ZNF407: variants seen among roughly 807,000 people sequenced by gnomAD.
The protein encoded by ZNF407 is zinc finger protein 407.
ZNF407 carries 17 observed loss-of-function variants against 131.2 expected under a neutral mutation model. That is an observed-to-expected ratio of 0.13 (90% CI 0.09 to 0.19). The LOEUF (loss-of-function observed/expected upper bound fraction) is 0.19, where lower values mean the gene tolerates loss of function less well. ZNF407 is among the 10% of genes least tolerant of loss of function. ZNF407 has a pLI of 1.00. For synonymous variants in ZNF407, 1,156 were observed against 1,062.0 expected (o/e 1.09, Z -1.72); for missense variants, 2,681 against 2,830.6 (o/e 0.95, Z 1.20).
At chr18:74,624,481 C>T (rs1351015061) in intron 1 of ZNF407, among the ~76,000 whole-genome samples, 1 of 152,174 alleles carries the variant, frequency 6.6e-6, no homozygotes, top group Non-Finnish European at 1.5e-5. Flanking sequence ...TGATGTCATT[C>T]TAGTTCTGGA....
At chr18:74,847,930 C>CT (rs1004481438) in intron 4 of ZNF407, among the ~76,000 whole-genome samples, 1 of 151,318 alleles carries the variant, frequency 6.6e-6, no homozygotes, top group African/African-American at 2.4e-5. Context: ...CAAGATACAC[C>CT]TTTTTTTCCT....
chr18:75,046,122 A>G (rs575809484), intron 8 of ZNF407, among the ~76,000 whole-genome samples: 1 of 152,324 alleles, frequency 6.6e-6, no homozygotes, highest in South Asian at 2.1e-4. Context: ...TAATGCTACA[A>G]TTAGCCCATT....
At chr18:74,953,915 G>A (rs1231796155) in intron 8 of ZNF407, among the ~76,000 whole-genome samples, 2 of 152,300 alleles carry the variant, frequency 1.3e-5, no homozygotes, top group African/African-American at 2.4e-5. Flanking sequence ...AGACCCTAAT[G>A]GGAGGCGAGA....
At position 74,713,358 on chromosome 18, in the gene ZNF407, C is replaced by CT. The variant is rs5826345; in HGVS notation, c.4803-68046dup. On this transcript the variant is annotated intron_variant, in intron 3 of 8. Coordinates refer to ENST00000299687, the MANE Select transcript of ZNF407 (RefSeq NM_017757.3). ...AGATTTACCTGGAACATTTTAGCAT[C>CT]TTTTTTTTTTTTTTTTTTTTTTTTA... is the stretch of plus-strand genomic sequence containing the variant. Among the ~76,000 whole-genome samples the CT allele has an allele frequency of 6.1e-3, 514 of 84,342 alleles. 2 individuals are homozygous for CT. Among genetic ancestry groups the CT allele is most frequent in the Middle Eastern group, 0.024 (3 of 126 alleles). 55.3% of individuals were successfully genotyped at this position (84,342 alleles called of 152,430 possible).
intron 8 of ZNF407, among the ~76,000 whole-genome samples, chr18:75,053,210 T>C (rs1973522879): frequency 6.6e-6 from 1 of 152,202 alleles, no homozygotes; most frequent in South Asian, 2.1e-4. Context: ...CTAGACACAG[T>C]GAGGCCTTAG....
chr18:74,613,653 A>C (rs970144096), intron 1 of ZNF407, among the ~76,000 whole-genome samples: 37 of 152,332 alleles, frequency 2.4e-4, no homozygotes, highest in African/African-American at 8.7e-4. Flanking sequence ...GGTTTCTTAA[A>C]CAGATTTGAG....
chr18:74,867,275 C>T (rs769132290), intron 4 of ZNF407, among the ~76,000 whole-genome samples: 7 of 152,200 alleles, frequency 4.6e-5, no homozygotes, highest in Non-Finnish European at 1.0e-4. Context: ...TGTTTGTAAA[C>T]TATACGATAT....
At chr18:74,854,231 G>A (rs1445726071) in intron 4 of ZNF407, among the ~76,000 whole-genome samples, 1 of 152,184 alleles carries the variant, frequency 6.6e-6, no homozygotes, top group Non-Finnish European at 1.5e-5. Flanking sequence ...CTCTCCAGCA[G>A]TTTATGGAAG....
chr18:74,983,715 A>G (rs1434077974), intron 8 of ZNF407, among the ~76,000 whole-genome samples: 1 of 152,238 alleles, frequency 6.6e-6, no homozygotes, highest in Non-Finnish European at 1.5e-5. Context: ...GAGAAGCAGG[A>G]TAGGCACTGG....
At chr18:74,741,437 C>T (rs1968547866) in intron 3 of ZNF407, among the ~76,000 whole-genome samples, 1 of 151,940 alleles carries the variant, frequency 6.6e-6, no homozygotes, top group African/African-American at 2.4e-5. Context: ...AAATTGTTGG[C>T]TATAGCCTAA....
rs766880009 is a variant in ZNF407, at chr18:74,631,005, G to A, written c.-15G>A. 83 of 1,592,092 alleles carry A rather than the reference G, an allele frequency of 5.2e-5. 1 individual carries two copies. In the Middle Eastern group the frequency reaches 6.7e-4, roughly 13 times the overall value. ...GTGAGCCGCCTTAGATAGAAGCATC[G>A]TCAGCACTTTATTAATGATGGATAG... On this transcript the variant is annotated 5_prime_UTR_variant, in exon 2 of 9. Coordinates refer to ENST00000299687, the MANE Select transcript of ZNF407 (RefSeq NM_017757.3).
At chr18:74,938,082 A>G (rs1972058102) in intron 8 of ZNF407, among the ~76,000 whole-genome samples, 1 of 152,170 alleles carries the variant, frequency 6.6e-6, no homozygotes, top group Non-Finnish European at 1.5e-5. Flanking sequence ...TACCAATCCC[A>G]GCGCATTATG....
At chr18:74,986,456 C>T (rs1433923596) in intron 8 of ZNF407, among the ~76,000 whole-genome samples, 2 of 152,104 alleles carry the variant, frequency 1.3e-5, no homozygotes, top group East Asian at 1.9e-4. Context: ...TACTGTTTCT[C>T]GGACCACATG....
chr18:74,828,966 C>T (rs1970446583), intron 4 of ZNF407, among the ~76,000 whole-genome samples: 1 of 152,218 alleles, frequency 6.6e-6, no homozygotes, highest in Non-Finnish European at 1.5e-5. Context: ...TTGTCTATAA[C>T]TGACAAATCA....
In ZNF407 at chr18:74,872,632, T is replaced by C. The variant is rs975936157; in HGVS notation, c.4878-4565T>C. 4.6e-4 allele frequency among the ~76,000 whole-genome samples: 70 copies of C among 151,852 alleles called. 1 individual carries two copies. The highest frequency in any genetic ancestry group is 1.6e-3 in the African/African-American group (67 of 41,420). ...ATTAGCCAGGCGTGGTGGTACGTGC[T>C]TCTAGTCCCAGCTACTTGGGAGGCT... is the stretch of plus-strand genomic sequence containing the variant. On this transcript the variant is annotated intron_variant, in intron 4 of 8. Transcript: ENST00000299687.
chr18:75,035,104 C>T (rs542351871), intron 8 of ZNF407, among the ~76,000 whole-genome samples: 1 of 152,300 alleles, frequency 6.6e-6, no homozygotes, highest in Admixed American at 6.5e-5. Context: ...TGGCAGCTCT[C>T]ATGTAATTTA....
chr18:74,786,499 A>C (rs1310631205), intron 4 of ZNF407, among the ~76,000 whole-genome samples: 2 of 151,052 alleles, frequency 1.3e-5, no homozygotes, highest in African/African-American at 4.9e-5. Context: ...ATGATGGCCA[A>C]TTTAGGAAAA....
At chr18:74,826,887 A>G (rs1185696325) in intron 4 of ZNF407, among the ~76,000 whole-genome samples, 1 of 152,246 alleles carries the variant, frequency 6.6e-6, no homozygotes, top group Non-Finnish European at 1.5e-5. Flanking sequence ...TGTATTCTGA[A>G]TGAATGTTTT....
intron 3 of ZNF407, among the ~76,000 whole-genome samples, chr18:74,687,212 A>T (rs751729129): frequency 6.6e-6 from 1 of 152,152 alleles, no homozygotes; most frequent in African/African-American, 2.4e-5. Context: ...GCCAGGCTTT[A>T]TGGTGTATAC....
Sources: gnomAD v4.1 joint callset for allele counts (sites outside exome capture counted in the v4.1 genomes callset) on GRCh38, gnomAD v4.1.1 for gene constraint, MANE v1.5 for transcripts, NCBI Gene and HGNC (gene_info 2026-07-23, HGNC 2026-07-21) for gene names.